NKD1: variants seen among roughly 807,000 people sequenced by gnomAD.
NKD1 encodes the protein protein naked cuticle homolog 1.
In NKD1, 21 loss-of-function variants were observed where a neutral mutation model predicts 56.0. The observed-to-expected ratio is 0.38, with a 90% CI of 0.27 to 0.54. NKD1 has a LOEUF of 0.54. Ranked by LOEUF, NKD1 falls within the 20% of genes least tolerant of loss-of-function variation. The probability of loss-of-function intolerance (pLI) is 0.82; values close to 1 mark genes in which losing one functional copy is unlikely to be tolerated. For synonymous variants in NKD1, 263 were observed against 265.7 expected, an observed-to-expected ratio of 0.99 and a Z score of 0.10; for missense variants, 578 against 642.7, an observed-to-expected ratio of 0.90 and a Z score of 1.09.
rs906865956 is a variant in NKD1, at chr16:50,648,419, A to G, written c.*14638A>G. 7 of 152,670 alleles carry G rather than the reference A, an allele frequency of 4.6e-5. No homozygotes were observed. Among genetic ancestry groups the G allele is most frequent in the African/African-American group, 1.7e-4 (7 of 41,452 alleles). The allele number at this position is 152,670 out of a possible 1,614,324, so 9.5% of individuals were successfully genotyped here. A position where few individuals can be genotyped will look rare whatever the true frequency, so the allele number is the denominator to read the frequency against. ...CTCTGGAAAACATTAGGCACTCAGA[A>G]TCAAGGGTTCTGGGGTCAGATGGAT... On this transcript the variant is annotated 3_prime_UTR_variant, in exon 10 of 10. Coordinates refer to ENST00000268459, the MANE Select transcript of NKD1 (RefSeq NM_033119.5).
chr16:50,567,035 G>A (rs1048646306), intron 3 of NKD1, among the ~76,000 whole-genome samples: 16 of 143,446 alleles, frequency 1.1e-4, no homozygotes, highest in African/African-American at 3.6e-4. Context: ...AGACTTAATT[G>A]CATTACTTCA....
intron 3 of NKD1, among the ~76,000 whole-genome samples, chr16:50,572,096 C>T (rs1213073645): frequency 6.6e-6 from 1 of 152,202 alleles, no homozygotes; most frequent in East Asian, 1.9e-4. Context: ...ATGGAGCTCT[C>T]ACATGTGCCT....
chr16:50,647,220 C>T lies in NKD1; in HGVS notation c.*13439C>T, dbSNP rs1423439811. ...TAAGCCAGACATGGCAAAGTCCTCACCTTTGCCAGTGACTGATTCAGGAAA... is the reference window on the plus strand; with the variant it reads ...TAAGCCAGACATGGCAAAGTCCTCATCTTTGCCAGTGACTGATTCAGGAAA... On this transcript the variant is annotated 3_prime_UTR_variant, in exon 10 of 10. Transcript: ENST00000268459. 6.6e-6 allele frequency: 1 copy of T among 152,192 alleles called. No homozygotes were observed. The highest frequency in any genetic ancestry group is 2.4e-5 in the African/African-American group (1 of 41,446). 9.4% of individuals were successfully genotyped at this position (152,192 alleles called of 1,614,324 possible).
intron 3 of NKD1, among the ~76,000 whole-genome samples, chr16:50,568,744 G>A (rs1960818784): frequency 6.6e-6 from 1 of 152,094 alleles, no homozygotes; most frequent in African/African-American, 2.4e-5. Context: ...ACATGGAAGG[G>A]ACTGTTCTTT....
rs1174395878 is a variant in NKD1, at chr16:50,636,091, G to C, written c.*2310G>C. ...AAAGCCCAAGGCAGGATTCTGCTTG[G>C]CTGGGCTTCGATCTGGTACCCATAG... is the stretch of plus-strand genomic sequence containing the variant. On this transcript the variant is annotated 3_prime_UTR_variant, in exon 10 of 10. Coordinates refer to ENST00000268459, the MANE Select transcript of NKD1 (RefSeq NM_033119.5). 6.6e-6 allele frequency: 1 copy of C among 152,226 alleles called. No homozygotes were observed. Among genetic ancestry groups the C allele is most frequent in the East Asian group, 1.9e-4 (1 of 5,186 alleles). 9.4% of individuals were successfully genotyped at this position (152,226 alleles called of 1,614,324 possible).
At chr16:50,621,476 G>A (rs1401428196) in intron 4 of NKD1, 126 bp from the exon 5 acceptor site, 7 of 630,774 alleles carry the variant, frequency 1.1e-5, no homozygotes, top group Non-Finnish European at 1.9e-5. Context: ...AATGGGCAGG[G>A]CAGGAGCGGG....
In NKD1 at chr16:50,634,563, G is replaced by A. The variant is rs1441498348; in HGVS notation, c.*782G>A. 3 of 152,342 alleles carry A rather than the reference G, an allele frequency of 2.0e-5. No individual in the cohort carries two copies. Among genetic ancestry groups the A allele is most frequent in the African/African-American group, 4.8e-5 (2 of 41,438 alleles). 9.4% of individuals were successfully genotyped at this position (152,342 alleles called of 1,614,324 possible). Reference sequence around the variant, plus strand: ...GAGGGAACCAACCACTTAAACAAGCGTGGTTTTCCAAGATCCAGGCAATTG... The same window carrying A: ...GAGGGAACCAACCACTTAAACAAGCATGGTTTTCCAAGATCCAGGCAATTG... On this transcript the variant is annotated 3_prime_UTR_variant, in exon 10 of 10. Coordinates refer to ENST00000268459, the MANE Select transcript of NKD1 (RefSeq NM_033119.5).
At position 50,598,229 on chromosome 16, in the gene NKD1, C is replaced by CTGTGTGTGTGTG. The variant is rs5816707; in HGVS notation, c.193-10042_193-10031dup. On this transcript the variant is annotated intron_variant, in intron 3 of 9. Coordinates refer to ENST00000268459, the MANE Select transcript of NKD1 (RefSeq NM_033119.5). The surrounding 1 kb of genome is among the most constrained non-coding windows in gnomAD (Gnocchi z 4.2). ...CACTGCAGGGCCGCATGGGTGGACT[C>CTGTGTGTGTGTG]TGTGTGTGTGTGTGTGTGTGTGTGT... Among the ~76,000 whole-genome samples, 84 of 143,956 alleles carry CTGTGTGTGTGTG rather than the reference C, an allele frequency of 5.8e-4. No individual in the cohort carries two copies. Among genetic ancestry groups the CTGTGTGTGTGTG allele is most frequent in the African/African-American group, 2.1e-3 (79 of 37,952 alleles). The allele number at this position is 143,956 out of a possible 152,430, so 94.4% of individuals were successfully genotyped here.
In NKD1 at chr16:50,589,761, T is replaced by TCTCTTCTCTC. The variant is rs1961318792; in HGVS notation, c.193-18529_193-18528insTCTCTCCTCT. On this transcript the variant is annotated intron_variant, in intron 3 of 9. Transcript: ENST00000268459. ...TCTCTTCTCTTCTCTTCTCTTCTCT[T>TCTCTTCTCTC]CTCTCCTCTCCTCTCCTCTCCTCTC... is the stretch of plus-strand genomic sequence containing the variant. Among the ~76,000 whole-genome samples the TCTCTTCTCTC allele has an allele frequency of 1.0e-4, 5 of 47,860 alleles. 2 individuals carry two copies. Among genetic ancestry groups the TCTCTTCTCTC allele is most frequent in the Non-Finnish European group, 8.3e-5 (2 of 23,976 alleles). The allele number at this position is 47,860 out of a possible 152,430, so 31.4% of individuals were successfully genotyped here.
At chr16:50,552,937 A>G (rs572748779) in intron 3 of NKD1, among the ~76,000 whole-genome samples, 28 of 152,342 alleles carry the variant, frequency 1.8e-4, no homozygotes, top group African/African-American at 6.7e-4. Context: ...GAGCAAGTCC[A>G]AGGGAATATG....
chr16:50,602,581 T>C lies in NKD1; in HGVS notation c.193-5713T>C, dbSNP rs74017742. Reference sequence around the variant, plus strand: ...GAGAACACTTCTGATAAGGCTGGGGTTTATGACCCCCCCCACACCCTCTGC... The same window carrying C: ...GAGAACACTTCTGATAAGGCTGGGGCTTATGACCCCCCCCACACCCTCTGC... On this transcript the variant is annotated intron_variant, in intron 3 of 9. Transcript: ENST00000268459. Among the ~76,000 whole-genome samples, 972 of 152,174 alleles carry C rather than the reference T, an allele frequency of 6.4e-3. 6 individuals are homozygous for C. Among genetic ancestry groups the C allele is most frequent in the African/African-American group, 0.022 (919 of 41,512 alleles).
rs1961516282 is a variant in NKD1 at position 50,598,250 on chromosome 16, T to TGG, written c.193-10043_193-10042insGG. On this transcript the variant is annotated intron_variant, in intron 3 of 9. Transcript: ENST00000268459. This position sits in a 1 kb window ranked among gnomAD's most constrained non-coding sequence, Gnocchi z 4.2. ...GACTCTGTGTGTGTGTGTGTGTGTG[T>TGG]GTGTGTGTGTGTGCGCGCACACCTG... 6.7e-6 allele frequency among the ~76,000 whole-genome samples: 1 copy of TGG among 149,110 alleles called. No homozygotes were observed. Among genetic ancestry groups the TGG allele is most frequent in the African/African-American group, 2.6e-5 (1 of 39,080 alleles).
At chr16:50,572,115 C>G (rs1316665983) in intron 3 of NKD1, among the ~76,000 whole-genome samples, 1 of 152,220 alleles carries the variant, frequency 6.6e-6, no homozygotes, top group East Asian at 1.9e-4. Context: ...CTTGGAGCAG[C>G]TTTCACTGTG....
chr16:50,587,415 C>T (rs1348167705), intron 3 of NKD1, among the ~76,000 whole-genome samples: 1 of 152,168 alleles, frequency 6.6e-6, no homozygotes, highest in African/African-American at 2.4e-5. Context: ...ATCGTCACCT[C>T]CCAAAATATA....
intron 3 of NKD1, chr16:50,573,751 G>A (rs1465015692): frequency 1.1e-6 from 1 of 932,092 alleles, no homozygotes; most frequent in Non-Finnish European, 1.3e-6. Flanking sequence ...ATAGCTTGGG[G>A]AAAATTGAAT....
At chr16:50,572,935 C>T in intron 3 of NKD1, 1 of 945,840 alleles carries the variant, frequency 1.1e-6, no homozygotes, top group Non-Finnish European at 1.3e-6. Context: ...GGAGAGTGGG[C>T]TCTGGAATCA....
At chr16:50,562,994 C>CG (rs1487201911) in intron 3 of NKD1, among the ~76,000 whole-genome samples, 1 of 131,202 alleles carries the variant, frequency 7.6e-6, no homozygotes, top group East Asian at 2.1e-4. Context: ...CCACCCCCCC[C>CG]CCCCGCCGTA....
chr16:50,579,313 G>A (rs1206641770), intron 3 of NKD1, among the ~76,000 whole-genome samples: 6 of 137,710 alleles, frequency 4.4e-5, no homozygotes, highest in Admixed American at 7.3e-5. Context: ...CGGGCTACCC[G>A]CTACACACGC....
chr16:50,550,732 C>T (rs1457378098), intron 3 of NKD1, among the ~76,000 whole-genome samples: 3 of 152,204 alleles, frequency 2.0e-5, no homozygotes, highest in East Asian at 1.9e-4. Context: ...AAGAGAACTA[C>T]AAACCTCTCC....
Sources: allele counts gnomAD v4.1 joint callset (sites outside exome capture counted in the v4.1 genomes callset), GRCh38; gene constraint gnomAD v4.1.1; non-coding constraint Gnocchi (gnomAD v3.1); transcripts MANE v1.5; gene names NCBI Gene and HGNC (gene_info 2026-07-23, HGNC 2026-07-21).